The following FAT3 variants were observed in gnomAD, a reference collection of about 807,000 sequenced individuals.
FAT3 encodes the protein protocadherin Fat 3.
A neutral mutation model predicts 310.2 loss-of-function variants in FAT3; 95 were observed. The ratio of observed to expected loss-of-function variants is 0.31; its 90% CI spans 0.26 to 0.36. The LOEUF (loss-of-function observed/expected upper bound fraction) is 0.36. Among genes scored for constraint, FAT3 ranks in the 10% least tolerant of loss-of-function variants. FAT3 has a pLI of 1.00. For synonymous variants in FAT3, 2,314 were observed against 2,192.9 expected (o/e 1.06, Z -1.54); for missense variants, 5,408 against 5,715.6 (o/e 0.95, Z 1.74).
Position 92,831,774 on chromosome 11 carries a change from C to T in FAT3, c.9634C>T (p.Pro3212Ser). The change falls in exon 14 of 28, where the codon CCT becomes TCT. Residue 3212 changes from proline to serine, a missense_variant. Pro to Ser is a moderately conservative substitution (Grantham distance 74, BLOSUM62 -1). This residue lies in a region of FAT3 where 4,588 missense variants were observed against 4,809.8 expected (regional missense o/e 0.95). Transcript: ENST00000525166. Reference sequence around the variant, plus strand: ...CAGCGTGCGGGCCACTGACCAGAGTCCTGGACAGTCCCTGTCCTCTCTCAC... The same window carrying T: ...CAGCGTGCGGGCCACTGACCAGAGTTCTGGACAGTCCCTGTCCTCTCTCAC... Reference protein sequence around the residue: ...NISVRATDQSPGQSLSSLTTV... With the variant: ...NISVRATDQSSGQSLSSLTTV... The T allele has an allele frequency of 1.2e-6, 2 of 1,613,580 alleles. No homozygotes were observed. The highest frequency in any genetic ancestry group is 2.2e-5 in the South Asian group (2 of 90,924).
intron 4 of FAT3, among the ~76,000 whole-genome samples, chr11:92,729,075 G>T (rs975696549): frequency 1.3e-5 from 2 of 152,154 alleles, no homozygotes; most frequent in Non-Finnish European, 2.9e-5. Flanking sequence ...ACAGAAAGGG[G>T]CCCAAGTCTT....
intron 2 of FAT3, among the ~76,000 whole-genome samples, chr11:92,513,206 C>T (rs983823888): frequency 6.6e-6 from 1 of 150,764 alleles, no homozygotes; most frequent in South Asian, 2.1e-4. Context: ...CAGCTGTGTC[C>T]ATATATTTCA....
chr11:92,634,815 A>G (rs1368715773), intron 3 of FAT3, among the ~76,000 whole-genome samples: 2 of 152,176 alleles, frequency 1.3e-5, no homozygotes, highest in Non-Finnish European at 2.9e-5. Flanking sequence ...GTGTGGCTGT[A>G]TTTGGAGAAG....
intron 2 of FAT3, among the ~76,000 whole-genome samples, chr11:92,398,088 T>A (rs1030290424): frequency 6.6e-6 from 1 of 152,088 alleles, no homozygotes; most frequent in Admixed American, 6.6e-5. Context: ...TCCTTCCTTG[T>A]CTCTTGCTAG....
chr11:92,378,210 T>C (rs2134749361), intron 2 of FAT3, among the ~76,000 whole-genome samples: 1 of 152,358 alleles, frequency 6.6e-6, no homozygotes, highest in Non-Finnish European at 1.5e-5. Flanking sequence ...GATCTGCCCA[T>C]CACTTTCTTA....
In FAT3 at chr11:92,762,043, G is replaced by A; in HGVS notation, c.3857G>A (p.Gly1286Asp). 6.2e-7 allele frequency: 1 copy of A among 1,613,912 alleles called. No homozygotes were observed. Among genetic ancestry groups the A allele is most frequent in the Admixed American group, 1.7e-5 (1 of 60,020 alleles). Residue 1286 changes from glycine (G) to aspartate (D), a missense_variant, in exon 5 of 28, where the codon GGC (glycine) becomes GAC (aspartate). Physicochemically the swap from Gly to Asp is moderately conservative, Grantham distance 94. Coordinates refer to ENST00000525166, the MANE Select transcript of FAT3 (RefSeq NM_001367949.2). ...GCTTTTGCATTTGATAGAGATGAGG[G>A]CCCCAACGCAGAAATCTCCTACAGT... ...YRAFAFDRDE[G>D]PNAEISYSIV... is the part of the protein sequence containing the mutation.
chr11:92,714,481 CATCATAT>C, intron 4 of FAT3, among the ~76,000 whole-genome samples: 1 of 152,124 alleles, frequency 6.6e-6, no homozygotes, highest in Non-Finnish European at 1.5e-5. Context: ...AAGCCATCCA[CATCATAT>C]TCCCCCAAAG....
At chr11:92,690,002 A>G (rs925801371) in intron 3 of FAT3, among the ~76,000 whole-genome samples, 1 of 151,960 alleles carries the variant, frequency 6.6e-6, no homozygotes. Context: ...GCTGTGGGCA[A>G]CTCCATCTGT....
intron 1 of FAT3, among the ~76,000 whole-genome samples, chr11:92,329,435 A>T (rs1428153905): frequency 6.6e-6 from 1 of 151,974 alleles, no homozygotes; most frequent in Admixed American, 6.6e-5. Context: ...TTCCATAGTA[A>T]GTAGAAGCAG....
chr11:92,353,829 G>A lies in FAT3; in HGVS notation c.1717G>A (p.Asp573Asn). 1.9e-6 allele frequency: 3 copies of A among 1,613,648 alleles called. No individual in the cohort carries two copies. The highest frequency in any genetic ancestry group is 1.1e-5 in the South Asian group (1 of 91,062). ...GACTATTCGAATAGGAAATGTCAAC[G>A]ACAACAGCCCTCTCTTTGAAAAAGT... Reference protein sequence around the residue: ...NVTIRIGNVNDNSPLFEKVAC... With the variant: ...NVTIRIGNVNNNSPLFEKVAC... The change falls in exon 2 of 28, where the codon GAC becomes AAC. Residue 573 changes from aspartate to asparagine, a missense_variant. By Grantham distance (23) the Asp-to-Asn change is conservative. This residue lies in a region of FAT3 where 4,588 missense variants were observed against 4,809.8 expected (regional missense o/e 0.95). Transcript: ENST00000525166.
chr11:92,229,490 G>GTTTTTTTT, intron 1 of FAT3, among the ~76,000 whole-genome samples: 661 of 46,802 alleles, frequency 0.014, 177 homozygotes, highest in Middle Eastern at 0.037. Flanking sequence ...TTGTTTTTTC[G>GTTTTTTTT]TGTTTTTTTT....
intron 4 of FAT3, among the ~76,000 whole-genome samples, chr11:92,744,904 A>C (rs1202230600): frequency 6.6e-6 from 1 of 152,222 alleles, no homozygotes; most frequent in Admixed American, 6.5e-5. Context: ...TTAGGTAGGC[A>C]AGGTGTTAAA....
chr11:92,820,095 T>A (rs867141612), intron 13 of FAT3, among the ~76,000 whole-genome samples: 2 of 152,226 alleles, frequency 1.3e-5, no homozygotes, highest in Non-Finnish European at 2.9e-5. Context: ...GGCATCCATC[T>A]TGACAATGCT....
intron 22 of FAT3, among the ~76,000 whole-genome samples, chr11:92,877,630 C>T (rs570000095): frequency 6.6e-6 from 1 of 152,314 alleles, no homozygotes; most frequent in South Asian, 2.1e-4. Flanking sequence ...GACAAAGCTA[C>T]TGACTCAGTT....
Position 92,426,599 on chromosome 11 carries a change from G to A in FAT3, c.3292+71195G>A, listed in dbSNP as rs1409272903. On this transcript the variant is annotated intron_variant, in intron 2 of 27. Coordinates refer to ENST00000525166, the MANE Select transcript of FAT3 (RefSeq NM_001367949.2). The stretch of plus-strand genomic sequence containing the variant: ...AGTTTCAGTTTTCTACATATGGCTA[G>A]CCAGTTTTCCCAACACCATTTATTA... Among the ~76,000 whole-genome samples, 11 of 152,256 alleles carry A rather than the reference G, an allele frequency of 7.2e-5. No homozygotes were observed. The South Asian group carries it at 2.3e-3, about 32-fold the overall frequency.
intron 3 of FAT3, among the ~76,000 whole-genome samples, chr11:92,620,724 T>G (rs1941047067): frequency 6.6e-6 from 1 of 152,228 alleles, no homozygotes; most frequent in Non-Finnish European, 1.5e-5. Flanking sequence ...TATTTGATTT[T>G]TTTAAAGTTA....
At chr11:92,879,375 A>G (rs1416697327) in intron 22 of FAT3, among the ~76,000 whole-genome samples, 1 of 152,224 alleles carries the variant, frequency 6.6e-6, no homozygotes, top group African/African-American at 2.4e-5. Context: ...GGGTGAAGCC[A>G]GTCAGAGGGC....
chr11:92,312,855 C>T (rs996364575), intron 1 of FAT3, among the ~76,000 whole-genome samples: 2 of 152,136 alleles, frequency 1.3e-5, no homozygotes, highest in Admixed American at 6.5e-5. Flanking sequence ...TTGGTACCTT[C>T]GCTAGTTTAG....
intron 2 of FAT3, among the ~76,000 whole-genome samples, chr11:92,430,267 G>C (rs2135020828): frequency 6.6e-6 from 1 of 152,234 alleles, no homozygotes; most frequent in Non-Finnish European, 1.5e-5. Context: ...ATTCCAGTTA[G>C]CAGTTCTTGC....
Sources: allele counts gnomAD v4.1 joint callset (sites outside exome capture counted in the v4.1 genomes callset), GRCh38; gene constraint gnomAD v4.1.1; regional missense constraint gnomAD v4.1.1; transcripts MANE v1.5; gene names NCBI Gene and HGNC (gene_info 2026-07-23, HGNC 2026-07-21).